Variants in GRIK2 observed in about 807,000 individuals in gnomAD.
GRIK2 encodes glutamate receptor ionotropic, kainate 2.
GRIK2 carries 32 observed loss-of-function variants against 100.3 expected under a neutral mutation model. The observed-to-expected ratio is 0.32, with a 90% CI of 0.24 to 0.43. The LOEUF is 0.43. Among genes scored for constraint, GRIK2 ranks in the 20% least tolerant of loss-of-function variants. The pLI is 1.00. For synonymous variants in GRIK2, 417 were observed against 389.4 expected, an observed-to-expected ratio of 1.07 and a Z score of -0.83; for missense variants, 843 against 1,114.9, an observed-to-expected ratio of 0.76 and a Z score of 3.47.
chr6:101,449,430 G>A (rs1280094693), intron 2 of GRIK2, among the ~76,000 whole-genome samples: 1 of 151,682 alleles, frequency 6.6e-6, no homozygotes, highest in African/African-American at 2.4e-5. Flanking sequence ...AATGTAGGCT[G>A]AGGCACCTGT....
intron 7 of GRIK2, among the ~76,000 whole-genome samples, chr6:101,705,782 TTAA>T (rs535343273): frequency 7.6e-4 from 116 of 152,062 alleles, no homozygotes; most frequent in African/African-American, 2.6e-3. Flanking sequence ...TGCACACCAA[TTAA>T]TTTTTCTATC....
chr6:101,555,470 CAT>C lies in GRIK2; in HGVS notation c.116-66478_116-66477del, dbSNP rs1203407400. ...AAGTTTGACATATTTGCATATGAAA[CAT>C]GTAGATATTTCAGACTAACTCCTAT... On this transcript the variant is annotated intron_variant, in intron 2 of 16. Coordinates refer to ENST00000369134, the MANE Select transcript of GRIK2 (RefSeq NM_021956.5). Among the ~76,000 whole-genome samples the C allele has an allele frequency of 3.3e-5, 5 of 152,226 alleles. No homozygotes were observed. The South Asian group carries it at 6.2e-4, about 19-fold the overall frequency.
chr6:102,037,950 AAAG>A (rs1279390194), intron 15 of GRIK2, among the ~76,000 whole-genome samples: 2 of 151,440 alleles, frequency 1.3e-5, no homozygotes, highest in Non-Finnish European at 3.0e-5. Flanking sequence ...TATACTCTTA[AAAG>A]AAGAGGCTGA....
intron 10 of GRIK2, among the ~76,000 whole-genome samples, chr6:101,854,208 A>G (rs1296892976): frequency 6.6e-6 from 1 of 152,120 alleles, no homozygotes; most frequent in African/African-American, 2.4e-5. Flanking sequence ...AAATGTCTGT[A>G]CCTTCTGCTC....
At chr6:101,613,361 C>T (rs1287069256) in intron 2 of GRIK2, among the ~76,000 whole-genome samples, 1 of 151,642 alleles carries the variant, frequency 6.6e-6, no homozygotes, top group African/African-American at 2.4e-5. Flanking sequence ...AAAAGCAAAA[C>T]TGAATATGAC....
intron 10 of GRIK2, among the ~76,000 whole-genome samples, chr6:101,836,661 A>ATT (rs1194200766): frequency 0.014 from 785 of 57,816 alleles, 45 homozygotes; most frequent in African/African-American, 0.047. Flanking sequence ...ATATATATAT[A>ATT]TTTTTTTTTT....
At chr6:101,869,852 T>G (rs897229607) in intron 11 of GRIK2, among the ~76,000 whole-genome samples, 1 of 151,770 alleles carries the variant, frequency 6.6e-6, no homozygotes, top group African/African-American at 2.4e-5. Flanking sequence ...ATTGATTGGT[T>G]TTGGGTGTTG....
intron 2 of GRIK2, among the ~76,000 whole-genome samples, chr6:101,578,353 A>G (rs1013363859): frequency 6.6e-6 from 1 of 152,176 alleles, no homozygotes; most frequent in African/African-American, 2.4e-5. Context: ...ATTTTCTATA[A>G]TGTTGAAAAT....
intron 4 of GRIK2, among the ~76,000 whole-genome samples, chr6:101,658,553 C>T (rs1769371617): frequency 6.6e-6 from 1 of 151,334 alleles, no homozygotes; most frequent in Non-Finnish European, 1.5e-5. Flanking sequence ...ATTTATAATC[C>T]TTTGGGTATA....
At chr6:102,045,491 TG>T (rs1770836388) in intron 15 of GRIK2, among the ~76,000 whole-genome samples, 1 of 152,008 alleles carries the variant, frequency 6.6e-6, no homozygotes, top group Non-Finnish European at 1.5e-5. Context: ...GAGGATAGGA[TG>T]AGGTACAAGA....
At chr6:101,760,573 A>ATTATATGT (rs1562364294) in intron 7 of GRIK2, among the ~76,000 whole-genome samples, 15 of 74,646 alleles carry the variant, frequency 2.0e-4, no homozygotes, top group African/African-American at 1.4e-3. Flanking sequence ...ATTATATTTA[A>ATTATATGT]TTAATTATAT....
chr6:101,965,496 G>A (rs1355554121), intron 14 of GRIK2, among the ~76,000 whole-genome samples: 1 of 151,966 alleles, frequency 6.6e-6, no homozygotes, highest in African/African-American at 2.4e-5. Flanking sequence ...TGTTCCTTGG[G>A]TTGAATAATA....
At chr6:101,540,008 G>T in intron 2 of GRIK2, among the ~76,000 whole-genome samples, 1 of 151,688 alleles carries the variant, frequency 6.6e-6, no homozygotes, top group Non-Finnish European at 1.5e-5. Context: ...CTTTGAATTT[G>T]TTCCACCTGC....
chr6:102,065,768 A>G, intron 16 of GRIK2: 1 of 1,435,902 alleles, frequency 7.0e-7, no homozygotes, highest in Non-Finnish European at 9.5e-7. Context: ...ATGTCATCTA[A>G]TTAATTCTTC....
intron 7 of GRIK2, among the ~76,000 whole-genome samples, chr6:101,740,462 C>T (rs1473027813): frequency 6.6e-6 from 1 of 152,072 alleles, no homozygotes; most frequent in East Asian, 1.9e-4. Context: ...GCTTTTAAGT[C>T]CACAACTGCA....
chr6:101,473,475 G>T (rs543460136), intron 2 of GRIK2, among the ~76,000 whole-genome samples: 3 of 151,686 alleles, frequency 2.0e-5, no homozygotes, highest in South Asian at 2.1e-4. Context: ...AATTCTGTTG[G>T]ACTTAATTTA....
At chr6:101,475,224 T>C (rs575412429) in intron 2 of GRIK2, among the ~76,000 whole-genome samples, 1 of 152,024 alleles carries the variant, frequency 6.6e-6, no homozygotes, top group African/African-American at 2.4e-5. Flanking sequence ...CCTAGAGATC[T>C]GACACTTTTC....
chr6:101,933,128 T>A (rs1303308524), intron 14 of GRIK2, among the ~76,000 whole-genome samples: 1 of 152,008 alleles, frequency 6.6e-6, no homozygotes, highest in East Asian at 1.9e-4. Context: ...TAAGAAAGCA[T>A]CTAAGGCATC....
Position 101,928,431 on chromosome 6 carries a change from C to T in GRIK2, c.1884C>T (p.Pro628=). ...ALMQQGSELM[P]KALSTRIVGG... Reference sequence around the variant, plus strand: ...CTCTGTTAGGTTCTGAGCTCATGCCCAAAGCACTGTCCACCAGGATAGTGG... The same window carrying T: ...CTCTGTTAGGTTCTGAGCTCATGCCTAAAGCACTGTCCACCAGGATAGTGG... The change falls in exon 14 of 17, where the codon CCC becomes CCT. Residue 628 remains proline (P), a synonymous_variant. Transcript: ENST00000369134. 1 of 1,590,254 alleles carries T rather than the reference C, an allele frequency of 6.3e-7. No individual in the cohort carries two copies. Among genetic ancestry groups the T allele is most frequent in the South Asian group, 1.1e-5 (1 of 90,644 alleles).
Sources: allele counts gnomAD v4.1 joint callset (sites outside exome capture counted in the v4.1 genomes callset), GRCh38; gene constraint gnomAD v4.1.1; transcripts MANE v1.5; gene names NCBI Gene and HGNC (gene_info 2026-07-23, HGNC 2026-07-21).